Variants in MTUS2 observed in about 807,000 individuals in gnomAD.
MTUS2 encodes the protein microtubule associated scaffold protein 2.
Under a neutral mutation model 114.1 loss-of-function variants are expected in MTUS2, and 40 were observed. The observed-to-expected ratio is 0.35, with a 90% CI of 0.27 to 0.46. The LOEUF (loss-of-function observed/expected upper bound fraction) is 0.46, where lower values mean the gene tolerates loss of function less well. Ranked by LOEUF, MTUS2 falls within the 20% of genes least tolerant of loss-of-function variation. The probability of loss-of-function intolerance (pLI) is 1.00; values close to 1 mark genes in which losing one functional copy is unlikely to be tolerated. For missense variants in MTUS2, 1,679 were observed against 1,705.4 expected (o/e 0.98, Z 0.27); for synonymous variants, 688 against 672.0 (o/e 1.02, Z -0.37).
At chr13:29,490,984 G>GGTGTGTGT (rs1355941235) in intron 11 of MTUS2, among the ~76,000 whole-genome samples, 1 of 39,030 alleles carries the variant, frequency 2.6e-5, no homozygotes, top group Non-Finnish European at 7.5e-5. Flanking sequence ...TAGAAGTGTG[G>GGTGTGTGT]ATGTGTGTGT....
intron 8 of MTUS2, chr13:29,428,752 C>G (rs573263736): frequency 1.9e-6 from 3 of 1,591,900 alleles, no homozygotes; most frequent in Non-Finnish European, 2.6e-6. Context: ...CCCAGCGGCG[C>G]GCCCCTTTCG....
intron 5 of MTUS2, among the ~76,000 whole-genome samples, chr13:29,217,014 A>G (rs1171515933): frequency 6.6e-6 from 1 of 152,192 alleles, no homozygotes; most frequent in African/African-American, 2.4e-5. Flanking sequence ...TGTTTCAACC[A>G]TGAAAGTTTA....
At chr13:29,092,585 C>G (rs919911209) in intron 4 of MTUS2, among the ~76,000 whole-genome samples, 1 of 152,114 alleles carries the variant, frequency 6.6e-6, no homozygotes, top group African/African-American at 2.4e-5. Flanking sequence ...AATGCGGGTA[C>G]GAGCTGGGCC....
At chr13:29,387,880 G>C (rs1426805360) in intron 8 of MTUS2, among the ~76,000 whole-genome samples, 1 of 152,144 alleles carries the variant, frequency 6.6e-6, no homozygotes, top group Non-Finnish European at 1.5e-5. Context: ...TTACAACCAT[G>C]TTAGACCTAT....
At chr13:29,412,448 C>A (rs1875322111) in intron 8 of MTUS2, among the ~76,000 whole-genome samples, 2 of 152,110 alleles carry the variant, frequency 1.3e-5, no homozygotes, top group Admixed American at 6.5e-5. Context: ...TATTTCCATT[C>A]TGTGGTGTTA....
chr13:29,035,442 A>G (rs1887018288), intron 4 of MTUS2, among the ~76,000 whole-genome samples: 1 of 152,222 alleles, frequency 6.6e-6, no homozygotes, highest in Non-Finnish European at 1.5e-5. Flanking sequence ...TTGGCCCCTG[A>G]GCCCTTGAGC....
intron 9 of MTUS2, among the ~76,000 whole-genome samples, chr13:29,445,063 T>C (rs1438525433): frequency 6.6e-6 from 1 of 152,226 alleles, no homozygotes; most frequent in Admixed American, 6.5e-5. Flanking sequence ...GTATCACGAC[T>C]GTATCTTCTA....
chr13:28,912,379 C>T (rs1267798809), intron 2 of MTUS2, among the ~76,000 whole-genome samples: 1 of 151,980 alleles, frequency 6.6e-6, no homozygotes, highest in Non-Finnish European at 1.5e-5. Flanking sequence ...TGTATCTATT[C>T]TTGTAGCAAT....
In MTUS2 at chr13:28,923,947, G is replaced by A. The variant is rs142705840; in HGVS notation, c.-243+84097G>A. Among the ~76,000 whole-genome samples the A allele has an allele frequency of 5.0e-3, 760 of 152,188 alleles. 7 individuals carry two copies. Among genetic ancestry groups the A allele is most frequent in the Middle Eastern group, 6.8e-3 (2 of 294 alleles). On this transcript the variant is annotated intron_variant, in intron 2 of 15. Coordinates refer to ENST00000612955, the MANE Select transcript of MTUS2 (RefSeq NM_001033602.4). ...GCTGCCCTTCTCCACCCTCCCCACC[G>A]TGATTCTCAGTGGAGGTTAATACTT...
At chr13:29,233,576 A>G (rs1365291025) in intron 5 of MTUS2, among the ~76,000 whole-genome samples, 3 of 152,246 alleles carry the variant, frequency 2.0e-5, no homozygotes, top group Non-Finnish European at 4.4e-5. Flanking sequence ...GCCAATAACA[A>G]GCTAAAATTC....
chr13:29,264,033 C>T (rs1263228831), intron 5 of MTUS2, among the ~76,000 whole-genome samples: 1 of 152,236 alleles, frequency 6.6e-6, no homozygotes, highest in African/African-American at 2.4e-5. Context: ...GTCCCTTCCA[C>T]TGATGAGCCT....
intron 7 of MTUS2, among the ~76,000 whole-genome samples, chr13:29,326,635 A>G (rs1900527545): frequency 6.6e-6 from 1 of 152,182 alleles, no homozygotes; most frequent in Non-Finnish European, 1.5e-5. Context: ...AATGAACTCA[A>G]ATATGTCATA....
chr13:29,054,483 A>G (rs1222776525), intron 4 of MTUS2, among the ~76,000 whole-genome samples: 2 of 152,126 alleles, frequency 1.3e-5, no homozygotes, highest in Non-Finnish European at 2.9e-5. Flanking sequence ...TCAAATTTAG[A>G]GATAGAAATT....
At chr13:29,255,230 C>T (rs1252596261) in intron 5 of MTUS2, among the ~76,000 whole-genome samples, 2 of 152,086 alleles carry the variant, frequency 1.3e-5, no homozygotes, top group South Asian at 2.1e-4. Context: ...AGAGCAGAGA[C>T]GGAAGGGTTC....
chr13:29,055,247 C>T (rs73164583), intron 4 of MTUS2, among the ~76,000 whole-genome samples: 1 of 152,064 alleles, frequency 6.6e-6, no homozygotes, highest in Non-Finnish European at 1.5e-5. Context: ...ATTTTGATGT[C>T]TTCTTACTGA....
chr13:28,998,138 C>T (rs980527246), intron 2 of MTUS2, among the ~76,000 whole-genome samples: 2 of 151,844 alleles, frequency 1.3e-5, no homozygotes, highest in African/African-American at 4.8e-5. Flanking sequence ...TTTATTTCTC[C>T]TTCACTTATG....
At chr13:29,072,527 AGACTTCTTAT>A (rs1316627126) in intron 4 of MTUS2, among the ~76,000 whole-genome samples, 5 of 152,206 alleles carry the variant, frequency 3.3e-5, no homozygotes, top group African/African-American at 1.2e-4. Context: ...TCCATAGAAA[AGACTTCTTAT>A]GTCATCATAC....
At chr13:28,922,509 G>T (rs1881098647) in intron 2 of MTUS2, among the ~76,000 whole-genome samples, 1 of 152,164 alleles carries the variant, frequency 6.6e-6, no homozygotes, top group South Asian at 2.1e-4. Context: ...CATTTGCTGG[G>T]ATGGCTGATT....
intron 9 of MTUS2, among the ~76,000 whole-genome samples, chr13:29,478,002 G>A (rs575808668): frequency 1.3e-5 from 2 of 152,276 alleles, no homozygotes; most frequent in African/African-American, 4.8e-5. Context: ...TAATATTCCT[G>A]CCAAACAGGC....
Sources: gnomAD v4.1 joint callset for allele counts (sites outside exome capture counted in the v4.1 genomes callset) on GRCh38, gnomAD v4.1.1 for gene constraint, MANE v1.5 for transcripts, NCBI Gene and HGNC (gene_info 2026-07-23, HGNC 2026-07-21) for gene names.